The following KCNQ1 variants were observed in gnomAD, a reference collection of about 807,000 sequenced individuals.
The protein encoded by KCNQ1 is potassium voltage-gated channel subfamily KQT member 1.
A neutral mutation model predicts 72.4 loss-of-function variants in KCNQ1; 49 were observed. The ratio of observed to expected loss-of-function variants is 0.68; its 90% confidence interval spans 0.54 to 0.86. KCNQ1 has a LOEUF of 0.86. Ranked by LOEUF, KCNQ1 falls within the 40% of genes least tolerant of loss-of-function variation. The pLI is 0.00. For synonymous variants in KCNQ1, 450 were observed against 412.6 expected, an observed-to-expected ratio of 1.09 and a Z score of -1.10; for missense variants, 790 against 945.1, an observed-to-expected ratio of 0.84 and a Z score of 2.15.
rs1479470388 is a variant in KCNQ1 at position 2,679,138 on chromosome 11, T to C, written c.1514+17057T>C. 1 of 398,542 alleles carries C rather than the reference T, an allele frequency of 2.5e-6. No homozygotes were observed. Among genetic ancestry groups the C allele is most frequent in the Non-Finnish European group, 4.4e-6 (1 of 226,098 alleles). 24.7% of individuals were successfully genotyped at this position (398,542 alleles called of 1,614,324 possible). ...AGCTGTGCAGGCCAAAATGGTTTCA[T>C]GGCATGAGTTGGGCAGCAGCGACTC... On this transcript the variant is annotated intron_variant, in intron 11 of 15. Coordinates refer to ENST00000155840, the MANE Select transcript of KCNQ1 (RefSeq NM_000218.3). This position sits in a 1 kb window ranked among gnomAD's most constrained non-coding sequence, Gnocchi z 4.8.
At chr11:2,835,469 G>A (rs190064649) in intron 15 of KCNQ1, among the ~76,000 whole-genome samples, 6 of 152,132 alleles carry the variant, frequency 3.9e-5, no homozygotes, top group South Asian at 2.1e-4. Context: ...TCACCCTACC[G>A]GCAGAGCTCT....
chr11:2,456,928 G>A (rs1846201448), intron 1 of KCNQ1, among the ~76,000 whole-genome samples: 1 of 117,466 alleles, frequency 8.5e-6, no homozygotes, highest in African/African-American at 3.4e-5. Context: ...GACAGAGCAA[G>A]ACTCGGTCTC....
rs1005815542 is a variant in KCNQ1 at position 2,556,298 on chromosome 11, C to T, written c.478-14330C>T. 2.0e-5 allele frequency among the ~76,000 whole-genome samples: 3 copies of T among 152,204 alleles called. No individual in the cohort carries two copies. The East Asian group carries it at 5.8e-4, about 29-fold the overall frequency. On this transcript the variant is annotated intron_variant, in intron 2 of 15. Transcript: ENST00000155840. Reference sequence around the variant, plus strand: ...GCAACCCTATTTCCAAACAAGGTCACACTCTGAGGTGTGCTGGAGGGTCTA... The same window carrying T: ...GCAACCCTATTTCCAAACAAGGTCATACTCTGAGGTGTGCTGGAGGGTCTA...
intron 9 of KCNQ1, among the ~76,000 whole-genome samples, 167 bp downstream of exon 9, chr11:2,587,859 T>C (rs1848617111): frequency 6.6e-6 from 1 of 152,176 alleles, no homozygotes; most frequent in African/African-American, 2.4e-5. Context: ...GATGCTAGGT[T>C]CCTGCCATCC....
intron 1 of KCNQ1, among the ~76,000 whole-genome samples, chr11:2,523,848 C>T (rs1358226963): frequency 6.6e-6 from 1 of 150,804 alleles, no homozygotes; most frequent in Non-Finnish European, 1.5e-5. Flanking sequence ...GCCCCCTTCC[C>T]TCCTCAGGCC....
rs1351072170 is a variant in KCNQ1 at position 2,549,337 on chromosome 11, A to G, written c.478-21291A>G. Among the ~76,000 whole-genome samples, 3 of 152,020 alleles carry G rather than the reference A, an allele frequency of 2.0e-5. No homozygotes were observed. The highest frequency in any genetic ancestry group is 4.4e-5 in the Non-Finnish European group (3 of 67,976). ...CGGGGTGCGGGACAAACCTGGGTCC[A>G]GGCACCTGGGGCGACCCTCCTTGGC... On this transcript the variant is annotated intron_variant, in intron 2 of 15. Transcript: ENST00000155840. The surrounding 1 kb of genome is among the most constrained non-coding windows in gnomAD (Gnocchi z 6.2).
chr11:2,837,570 G>T (rs458069), intron 15 of KCNQ1, among the ~76,000 whole-genome samples: 2 of 152,094 alleles, frequency 1.3e-5, no homozygotes, highest in East Asian at 1.9e-4. Context: ...TCGGGGAGGC[G>T]GCCTCTAAGA....
intron 11 of KCNQ1, among the ~76,000 whole-genome samples, chr11:2,761,079 G>A (rs935374477): frequency 1.3e-5 from 2 of 152,220 alleles, no homozygotes; most frequent in Non-Finnish European, 2.9e-5. Context: ...CAGATCACAC[G>A]TGGGCTTGGA....
rs540104444 is a variant in KCNQ1, at chr11:2,829,491, G to A, written c.1795-18276G>A. Among the ~76,000 whole-genome samples the A allele has an allele frequency of 2.0e-5, 3 of 152,242 alleles. No individual in the cohort carries two copies. The South Asian group carries it at 6.2e-4, about 32-fold the overall frequency. Reference sequence around the variant, plus strand: ...AAGATGTAATCATAACAGACCACAGGACACAGCTAAAAACAGTGATTACAT... The same window carrying A: ...AAGATGTAATCATAACAGACCACAGAACACAGCTAAAAACAGTGATTACAT... On this transcript the variant is annotated intron_variant, in intron 15 of 15. Coordinates refer to ENST00000155840, the MANE Select transcript of KCNQ1 (RefSeq NM_000218.3).
chr11:2,644,105 G>A (rs1397832238), intron 10 of KCNQ1: 6 of 398,500 alleles, frequency 1.5e-5, no homozygotes, highest in African/African-American at 1.2e-4. Flanking sequence ...TCTATTTAGG[G>A]TTCTGAGATT....
chr11:2,671,023 G>C lies in KCNQ1; in HGVS notation c.1514+8942G>C, dbSNP rs1442862236. 1 of 398,522 alleles carries C rather than the reference G, an allele frequency of 2.5e-6. No individual in the cohort carries two copies. The highest frequency in any genetic ancestry group is 4.4e-6 in the Non-Finnish European group (1 of 226,094). 24.7% of individuals were successfully genotyped at this position (398,522 alleles called of 1,614,324 possible). Reference sequence around the variant, plus strand: ...TGTGGGCCCTGTTAGGGACAACGTAGGTGTCCTGGGCAGGGGCTGTATCTG... The same window carrying C: ...TGTGGGCCCTGTTAGGGACAACGTACGTGTCCTGGGCAGGGGCTGTATCTG... On this transcript the variant is annotated intron_variant, in intron 11 of 15. Coordinates refer to ENST00000155840, the MANE Select transcript of KCNQ1 (RefSeq NM_000218.3). This position sits in a 1 kb window ranked among gnomAD's most constrained non-coding sequence, Gnocchi z 4.7.
chr11:2,572,767 C>T (rs1372209485), intron 5 of KCNQ1, 79 bp from the exon 6 acceptor site: 2 of 1,588,660 alleles, frequency 1.3e-6, no homozygotes, highest in Admixed American at 3.4e-5. Context: ...ATCGCTGGGA[C>T]TCGCTGCCTT....
At chr11:2,777,059 G>C (rs778690252) in intron 14 of KCNQ1, 27 bp downstream of exon 14, 1 of 1,612,610 alleles carries the variant, frequency 6.2e-7, no homozygotes, top group South Asian at 1.1e-5. Flanking sequence ...GTTACTCTGG[G>C]CCCAGCAGCC....
chr11:2,746,594 G>A lies in KCNQ1; in HGVS notation c.1515-22250G>A, dbSNP rs964861687. Reference sequence around the variant, plus strand: ...CCCTTACTAGGATCCGTCTGCTGCTGTCCTCACGATTCGACTGGGCTGTGG... The same window carrying A: ...CCCTTACTAGGATCCGTCTGCTGCTATCCTCACGATTCGACTGGGCTGTGG... On this transcript the variant is annotated intron_variant, in intron 11 of 15. Transcript: ENST00000155840. The surrounding 1 kb of genome is among the most constrained non-coding windows in gnomAD (Gnocchi z 5.9). 1.3e-5 allele frequency among the ~76,000 whole-genome samples: 2 copies of A among 152,196 alleles called. No individual in the cohort carries two copies. Among genetic ancestry groups the A allele is most frequent in the South Asian group, 4.1e-4 (2 of 4,834 alleles).
Position 2,593,343 on chromosome 11 carries a change from C to T in KCNQ1, c.1393+4489C>T, listed in dbSNP as rs574785148. On this transcript the variant is annotated intron_variant, in intron 10 of 15. Transcript: ENST00000155840. The surrounding 1 kb of genome is among the most constrained non-coding windows in gnomAD (Gnocchi z 6.9). ...CTCAGAGAACACTGGGCTGGAAGGT[C>T]GTGGTCTGTGACGTAGGATCGGGGA... 7.3e-5 allele frequency among the ~76,000 whole-genome samples: 11 copies of T among 151,592 alleles called. No individual in the cohort carries two copies. Among genetic ancestry groups the T allele is most frequent in the Non-Finnish European group, 1.0e-4 (7 of 67,906 alleles).
Position 2,572,826 on chromosome 11 carries a change from CTG to C in KCNQ1, c.781-14_781-13del, listed in dbSNP as rs727503103. On this transcript the variant is annotated intron_variant, in intron 5 of 15. Transcript: ENST00000155840. The stretch of plus-strand genomic sequence containing the variant: ...AGCCTGCGGTTCCTGGAGCCCGACA[CTG>C]TGTGTTTTCTGGCCTAGGAGCTGAT... 8.0e-5 allele frequency: 129 copies of C among 1,613,610 alleles called. No individual in the cohort carries two copies. Among genetic ancestry groups the C allele is most frequent in the East Asian group, 5.3e-4 (24 of 44,884 alleles).
rs1489132337 is a variant in KCNQ1 at position 2,587,639 on chromosome 11, C to G, written c.1198C>G (p.Pro400Ala). The G allele has an allele frequency of 6.2e-7, 1 of 1,613,842 alleles. No homozygotes were observed. Among genetic ancestry groups the G allele is most frequent in the Non-Finnish European group, 8.5e-7 (1 of 1,180,026 alleles). The change falls in exon 9 of 16, where the codon CCC (proline) becomes GCC (alanine). Residue 400 changes from proline (P) to alanine (A), a missense_variant. Around this residue, in one of 5 missense-constraint regions of KCNQ1, gnomAD observed 178 missense variants for 177.9 expected, o/e 1.00. Transcript: ENST00000155840. Reference sequence around the variant, plus strand: ...CTGGAAGATCTACATCCGGAAGGCCCCCCGGAGCCACACTCTGCTGTCACC... The same window carrying G: ...CTGGAAGATCTACATCCGGAAGGCCGCCCGGAGCCACACTCTGCTGTCACC... The part of the protein sequence containing the change: ...STWKIYIRKA[P>A]RSHTLLSPSP...
Position 2,687,258 on chromosome 11 carries a change from G to A in KCNQ1, c.1514+25177G>A. The A allele has an allele frequency of 2.5e-6, 1 of 398,648 alleles. No individual in the cohort carries two copies. The highest frequency in any genetic ancestry group is 4.4e-6 in the Non-Finnish European group (1 of 226,082). 24.7% of individuals were successfully genotyped at this position (398,648 alleles called of 1,614,324 possible). A position where few individuals can be genotyped will look rare whatever the true frequency, so the allele number is the denominator to read the frequency against. On this transcript the variant is annotated intron_variant, in intron 11 of 15. Transcript: ENST00000155840. The surrounding 1 kb of genome is among the most constrained non-coding windows in gnomAD (Gnocchi z 5.0). ...CAGCCAGCATCACTACCAGCTCCGG[G>A]CTTCTCTCCTCTGGCCTCCCACCTT...
At chr11:2,545,539 GTGAT>G (rs1328137960) in intron 2 of KCNQ1, among the ~76,000 whole-genome samples, 3 of 152,242 alleles carry the variant, frequency 2.0e-5, no homozygotes, top group Admixed American at 6.5e-5. Flanking sequence ...TTATATTCAG[GTGAT>G]TGATAATTAT....
Sources: gnomAD v4.1 joint callset for allele counts (sites outside exome capture counted in the v4.1 genomes callset) on GRCh38, gnomAD v4.1.1 for gene constraint, gnomAD v4.1.1 regional missense constraint, Gnocchi (gnomAD v3.1) non-coding constraint, MANE v1.5 for transcripts, NCBI Gene and HGNC (gene_info 2026-07-23, HGNC 2026-07-21) for gene names.